Variants in DNAJC13 observed in about 807,000 individuals in gnomAD.
DNAJC13 encodes the protein DnaJ heat shock protein family (Hsp40) member C13, also known as dnaJ homolog subfamily C member 13.
In DNAJC13, 75 loss-of-function variants were observed where a neutral mutation model predicts 290.5. The ratio of observed to expected loss-of-function variants is 0.26; its 90% CI spans 0.21 to 0.31. The LOEUF (loss-of-function observed/expected upper bound fraction) is 0.31. Ranked by LOEUF, DNAJC13 falls within the 10% of genes least tolerant of loss-of-function variation. The probability of loss-of-function intolerance (pLI) is 1.00; values close to 1 mark genes in which losing one functional copy is unlikely to be tolerated. For synonymous variants in DNAJC13, 862 were observed against 892.0 expected (o/e 0.97, Z 0.60); for missense variants, 2,260 against 2,674.5 (o/e 0.85, Z 3.42).
intron 1 of DNAJC13, among the ~76,000 whole-genome samples, chr3:132,434,209 C>CAAA (rs544393571): frequency 9.3e-6 from 1 of 107,442 alleles, no homozygotes; most frequent in Non-Finnish European, 1.9e-5. Context: ...GACTCCATCT[C>CAAA]AAAAAAAAAA....
At chr3:132,461,317 G>A (rs567507268) in intron 15 of DNAJC13, 112 bp downstream of exon 15, 36 of 1,203,990 alleles carry the variant, frequency 3.0e-5, no homozygotes, top group East Asian at 4.8e-5. Context: ...GTGTCCAGTC[G>A]TTTGGCTTTC....
intron 5 of DNAJC13, among the ~76,000 whole-genome samples, chr3:132,449,429 G>A (rs1933355814): frequency 4.6e-5 from 7 of 152,128 alleles, no homozygotes. Context: ...CACAATTTTT[G>A]TGCCCTGCCT....
intron 13 of DNAJC13, chr3:132,457,997 A>C (rs531165785): frequency 5.9e-5 from 9 of 152,132 alleles, no homozygotes; most frequent in Non-Finnish European, 1.3e-4. Flanking sequence ...TTTTAGCAAG[A>C]GAGCAGTAAT....
intron 1 of DNAJC13, among the ~76,000 whole-genome samples, chr3:132,421,829 A>G (rs545945998): frequency 1.5e-4 from 23 of 152,300 alleles, no homozygotes; most frequent in Admixed American, 3.9e-4. Flanking sequence ...GCATTGTCAG[A>G]AAAGAACAGG....
chr3:132,525,803 C>G lies in DNAJC13; in HGVS notation c.6240+14C>G. 1.2e-6 allele frequency: 2 copies of G among 1,609,968 alleles called. No individual in the cohort carries two copies. The highest frequency in any genetic ancestry group is 2.2e-5 in the South Asian group (2 of 90,592). ...TCTGAAAATGAGGTATTGATGAATA[C>G]ACTTAGTAGTTTATAAGCTCCAGAA... On this transcript the variant is annotated intron_variant, in intron 52 of 55. Transcript: ENST00000260818.
rs1225238309 is a variant in DNAJC13, at chr3:132,478,323, G to C, written c.2709+183G>C. Among the ~76,000 whole-genome samples the C allele has an allele frequency of 3.3e-4, 51 of 152,318 alleles. 1 individual carries two copies. In the South Asian group the frequency reaches 4.1e-3, roughly 12 times the overall value. On this transcript the variant is annotated intron_variant, in intron 24 of 55. Transcript: ENST00000260818. Reference sequence around the variant, plus strand: ...GAATAGGAAAATGAATAATGGGTTAGAATTTGTCCATGTCACTTTATGTGT... The same window carrying C: ...GAATAGGAAAATGAATAATGGGTTACAATTTGTCCATGTCACTTTATGTGT...
intron 9 of DNAJC13, among the ~76,000 whole-genome samples, chr3:132,455,625 C>T (rs567207966): frequency 2.0e-5 from 3 of 152,254 alleles, no homozygotes; most frequent in South Asian, 4.1e-4. Flanking sequence ...GTTGCCTGTT[C>T]ATACAATGGA....
intron 36 of DNAJC13, among the ~76,000 whole-genome samples, chr3:132,498,838 C>G (rs367767682): frequency 6.6e-6 from 1 of 152,042 alleles, no homozygotes; most frequent in Non-Finnish European, 1.5e-5. Flanking sequence ...GCCTCAGCCT[C>G]CCGAGTAGCT....
intron 28 of DNAJC13, 59 bp downstream of exon 28, chr3:132,483,636 G>A: frequency 6.7e-7 from 1 of 1,502,464 alleles, no homozygotes; most frequent in Non-Finnish European, 9.3e-7. Flanking sequence ...TAACAGCATA[G>A]AATCGGTCTG....
rs576492887 is a variant in DNAJC13, at chr3:132,505,887, G to A, written c.4998+472G>A. Among the ~76,000 whole-genome samples the A allele has an allele frequency of 1.6e-4, 24 of 152,088 alleles. 1 individual carries two copies. The East Asian group carries it at 4.4e-3, about 28-fold the overall frequency. ...TCTTGATGATTTTGAAGATAATTAT[G>A]TGTGTGGCTTTGGAAATTAGAGTAA... On this transcript the variant is annotated intron_variant, in intron 42 of 55. Transcript: ENST00000260818.
At chr3:132,490,036 T>C (rs1935013062) in intron 31 of DNAJC13, among the ~76,000 whole-genome samples, 1 of 152,220 alleles carries the variant, frequency 6.6e-6, no homozygotes, top group African/African-American at 2.4e-5. Context: ...CAAGTCTGGA[T>C]GTATGAATTA....
rs115998388 is a variant in DNAJC13, at chr3:132,462,636, A to G, written c.1770+113A>G. On this transcript the variant is annotated intron_variant, in intron 16 of 55. Coordinates refer to ENST00000260818, the MANE Select transcript of DNAJC13 (RefSeq NM_015268.4). The stretch of plus-strand genomic sequence containing the variant: ...TTGGGAAATAAACATTTCTCTGGGT[A>G]AGAAAAGTAATTTTAAATCTTTATT... The G allele has an allele frequency of 2.2e-3, 1,481 of 679,624 alleles. 2 individuals carry two copies. The highest frequency in any genetic ancestry group is 3.0e-3 in the Non-Finnish European group (1,226 of 412,894). The allele number at this position is 679,624 out of a possible 1,614,324, so 42.1% of individuals were successfully genotyped here.
At chr3:132,522,539 T>A (rs1213727807) in intron 48 of DNAJC13, among the ~76,000 whole-genome samples, 1 of 152,096 alleles carries the variant, frequency 6.6e-6, no homozygotes. Context: ...ACCATACTAG[T>A]GATACGGAGG....
In DNAJC13 at chr3:132,461,188, C is replaced by G. The variant is rs777052097; in HGVS notation, c.1696C>G (p.Leu566Val). The change falls in exon 15 of 56, where the codon CTT (leucine) becomes GTT (valine). Residue 566 changes from leucine to valine, a missense_variant. Leu to Val is a conservative substitution (Grantham distance 32). Around this residue, in one of 3 missense-constraint regions of DNAJC13, gnomAD observed 762 missense variants for 964.1 expected, o/e 0.79. Transcript: ENST00000260818. The stretch of plus-strand genomic sequence containing the variant: ...GATGGTAGCATCCAATGGAAGAACC[C>G]TTTTTAAACTTTTTCAGGTGAGAGC... ...LEMVASNGRT[L>V]FKLFQHPSMA... The G allele has an allele frequency of 1.2e-6, 2 of 1,613,942 alleles. No homozygotes were observed. Among genetic ancestry groups the G allele is most frequent in the East Asian group, 4.5e-5 (2 of 44,866 alleles).
At chr3:132,427,612 G>T (rs1296887512) in intron 1 of DNAJC13, among the ~76,000 whole-genome samples, 1 of 152,038 alleles carries the variant, frequency 6.6e-6, no homozygotes, top group African/African-American at 2.4e-5. Flanking sequence ...TAAATCAATA[G>T]AACACTGTAC....
intron 2 of DNAJC13, among the ~76,000 whole-genome samples, chr3:132,440,193 G>A (rs1355076093): frequency 6.6e-6 from 1 of 152,214 alleles, no homozygotes; most frequent in Non-Finnish European, 1.5e-5. Context: ...GGAGGCGGAG[G>A]TTGCAGTGAG....
chr3:132,531,296 G>C (rs1370636879), intron 55 of DNAJC13, among the ~76,000 whole-genome samples, 199 bp downstream of exon 55: 1 of 152,170 alleles, frequency 6.6e-6, no homozygotes, highest in African/African-American at 2.4e-5. Context: ...TGTTGAATGG[G>C]TACTGACTAA....
intron 33 of DNAJC13, 68 bp from the exon 34 acceptor site, chr3:132,494,076 C>T (rs1437892081): frequency 2.6e-5 from 28 of 1,079,582 alleles, no homozygotes; most frequent in Non-Finnish European, 3.6e-5. Flanking sequence ...CACAATAATT[C>T]TATAACTTAA....
In DNAJC13 at chr3:132,479,293, C is replaced by T; in HGVS notation, c.2772+4C>T. 3 of 1,590,264 alleles carry T rather than the reference C, an allele frequency of 1.9e-6. No individual in the cohort carries two copies. The highest frequency in any genetic ancestry group is 2.6e-6 in the Non-Finnish European group (3 of 1,159,546). On this transcript the variant is annotated splice_donor_region_variant and intron_variant, in intron 25 of 55. Coordinates refer to ENST00000260818, the MANE Select transcript of DNAJC13 (RefSeq NM_015268.4). ...TAACAAGTTGATCCTTAATAAGGTA[C>T]AGTAGTTTCGCATACATACATTGTT...
Sources: gnomAD v4.1 joint callset for allele counts (sites outside exome capture counted in the v4.1 genomes callset) on GRCh38, gnomAD v4.1.1 for gene constraint, gnomAD v4.1.1 regional missense constraint, MANE v1.5 for transcripts, NCBI Gene and HGNC (gene_info 2026-07-23, HGNC 2026-07-21) for gene names.